Variants in CFAP20DC observed in about 807,000 individuals in gnomAD.
The protein encoded by CFAP20DC is protein CFAP20DC.
In CFAP20DC, 84 loss-of-function variants were observed where a neutral mutation model predicts 101.7. The observed-to-expected ratio is 0.83, with a 90% confidence interval of 0.69 to 0.99. The LOEUF is 0.99. CFAP20DC is among the 50% of genes least tolerant of loss of function. The pLI is 0.00. For synonymous variants in CFAP20DC, 359 were observed against 351.2 expected (o/e 1.02, Z -0.25); for missense variants, 1,007 against 970.3 (o/e 1.04, Z -0.50).
chr3:58,939,955 C>A (rs1216733609), intron 4 of CFAP20DC, among the ~76,000 whole-genome samples: 1 of 151,962 alleles, frequency 6.6e-6, no homozygotes, highest in East Asian at 1.9e-4. Context: ...TTAGTAGAGA[C>A]AGGGTTTCAT....
In CFAP20DC at chr3:58,914,987, C is replaced by T. The variant is rs969943004; in HGVS notation, c.394-1123G>A. 1 of 152,112 alleles carries T rather than the reference C, an allele frequency of 6.6e-6. No individual in the cohort carries two copies. The highest frequency in any genetic ancestry group is 2.4e-5 in the African/African-American group (1 of 41,398). 9.4% of individuals were successfully genotyped at this position (152,112 alleles called of 1,614,324 possible). On this transcript the variant is annotated intron_variant, in intron 5 of 16. Transcript: ENST00000482387. The surrounding 1 kb of genome is among the most constrained non-coding windows in gnomAD (Gnocchi z 4.9). The stretch of plus-strand genomic sequence containing the variant: ...GGCTTGACTGGCAGAATGGTGAACA[C>T]TGGAGCGGAATGAAGTAATGTAAGA...
intron 3 of CFAP20DC, among the ~76,000 whole-genome samples, chr3:59,040,024 G>A (rs1699210043): frequency 6.6e-6 from 1 of 151,838 alleles, no homozygotes; most frequent in Non-Finnish European, 1.5e-5. Context: ...TTTATTCACT[G>A]GCAGTTTTAA....
At chr3:58,806,832 G>A (rs998791068) in intron 14 of CFAP20DC, among the ~76,000 whole-genome samples, 1 of 152,210 alleles carries the variant, frequency 6.6e-6, no homozygotes, top group Non-Finnish European at 1.5e-5. Context: ...AGGGGTGACA[G>A]ATGGCACCTG....
chr3:58,870,637 C>A (rs1253153174), intron 7 of CFAP20DC, among the ~76,000 whole-genome samples: 2 of 150,190 alleles, frequency 1.3e-5, no homozygotes, highest in Admixed American at 6.6e-5. Flanking sequence ...GCCTGTAATC[C>A]CAGCACTTTG....
Position 58,866,649 on chromosome 3 carries a change from G to T in CFAP20DC, c.1175C>A (p.Ser392Ter). ...SGNNRIEDKA[S>*]TILTTVSQQG... ...TTGGGACACAGTGGTGAGGATAGTTGATGCTTTATCTTCAATCCTATTATT... is the reference window on the plus strand; with the variant it reads ...TTGGGACACAGTGGTGAGGATAGTTTATGCTTTATCTTCAATCCTATTATT... The change falls in exon 11 of 17, where the codon TCA (serine) becomes TAA (stop). Residue 392 changes from serine (S) to a stop codon, truncating the protein, a stop_gained. Coordinates refer to ENST00000482387, the MANE Select transcript of CFAP20DC (RefSeq NM_001394063.1). LOFTEE classifies it high-confidence loss of function. The T allele has an allele frequency of 6.3e-7, 1 of 1,598,018 alleles. No homozygotes were observed. Among genetic ancestry groups the T allele is most frequent in the Non-Finnish European group, 8.6e-7 (1 of 1,165,606 alleles).
intron 15 of CFAP20DC, among the ~76,000 whole-genome samples, chr3:58,777,070 T>C (rs1478135167): frequency 6.6e-6 from 1 of 152,136 alleles, no homozygotes; most frequent in East Asian, 1.9e-4. Context: ...AAAAAAAATA[T>C]AGCTACTTAT....
chr3:58,787,885 A>G (rs2072505042), intron 15 of CFAP20DC, among the ~76,000 whole-genome samples: 1 of 151,846 alleles, frequency 6.6e-6, no homozygotes, highest in African/African-American at 2.4e-5. Flanking sequence ...ATTAACACAC[A>G]AACAGGAAAC....
Position 58,817,573 on chromosome 3 carries a change from G to C in CFAP20DC, c.2176-11117C>G, listed in dbSNP as rs530108751. On this transcript the variant is annotated intron_variant, in intron 14 of 16. Transcript: ENST00000482387. ...AGATGAAATGAATGAAATGAAGCGA[G>C]AAGGGAAGTTTAGAGAAAAAAGAAT... 8.3e-5 allele frequency among the ~76,000 whole-genome samples: 12 copies of C among 144,396 alleles called. No homozygotes were observed. The South Asian group carries it at 2.9e-3, about 35-fold the overall frequency. 94.7% of individuals were successfully genotyped at this position (144,396 alleles called of 152,430 possible).
intron 4 of CFAP20DC, among the ~76,000 whole-genome samples, chr3:58,968,129 G>A (rs2091707594): frequency 6.6e-6 from 1 of 152,146 alleles, no homozygotes; most frequent in Non-Finnish European, 1.5e-5. Flanking sequence ...CATTTAGGTT[G>A]ATTTCATGTC....
rs2079093333 is a variant in CFAP20DC at position 58,859,718 on chromosome 3, A to G, written c.1593+3840T>C. ...ATGTTCTAATTCATAATACATAGGAATAAAAATGCAAGGCAGTATATTCAA... is the reference window on the plus strand; with the variant it reads ...ATGTTCTAATTCATAATACATAGGAGTAAAAATGCAAGGCAGTATATTCAA... On this transcript the variant is annotated intron_variant, in intron 12 of 16. Transcript: ENST00000482387. This position sits in a 1 kb window ranked among gnomAD's most constrained non-coding sequence, Gnocchi z 4.1. 1.3e-5 allele frequency among the ~76,000 whole-genome samples: 2 copies of G among 152,206 alleles called. No homozygotes were observed. The highest frequency in any genetic ancestry group is 4.1e-4 in the South Asian group (2 of 4,826).
At chr3:59,039,391 C>T (rs1044785937) in intron 4 of CFAP20DC, among the ~76,000 whole-genome samples, 166 bp downstream of exon 4, 10 of 151,942 alleles carry the variant, frequency 6.6e-5, no homozygotes, top group African/African-American at 2.4e-4. Context: ...ATAGTGATAT[C>T]CAAGAAATAT....
intron 15 of CFAP20DC, among the ~76,000 whole-genome samples, chr3:58,758,422 T>C (rs2069164316): frequency 6.6e-6 from 1 of 152,114 alleles, no homozygotes; most frequent in Non-Finnish European, 1.5e-5. Context: ...GTTGGCTTCT[T>C]ACCCAGACAC....
chr3:59,035,508 G>T (rs2094082496), intron 4 of CFAP20DC, among the ~76,000 whole-genome samples: 1 of 152,176 alleles, frequency 6.6e-6, no homozygotes, highest in Non-Finnish European at 1.5e-5. Flanking sequence ...GGATAAAGGG[G>T]ATTTCACCAC....
chr3:58,965,783 TA>T (rs1288868917), intron 4 of CFAP20DC, among the ~76,000 whole-genome samples: 1 of 152,218 alleles, frequency 6.6e-6, no homozygotes, highest in African/African-American at 2.4e-5. Flanking sequence ...AAAGTAGAAT[TA>T]GTTTACTTGA....
intron 15 of CFAP20DC, among the ~76,000 whole-genome samples, chr3:58,785,658 G>GCT (rs2072263560): frequency 6.6e-6 from 1 of 152,120 alleles, no homozygotes. Context: ...CATCATTGAA[G>GCT]ATGTAGGGGA....
chr3:58,776,245 C>T (rs984477992), intron 15 of CFAP20DC, among the ~76,000 whole-genome samples: 3 of 152,202 alleles, frequency 2.0e-5, no homozygotes, highest in African/African-American at 4.8e-5. Flanking sequence ...CACTCCCAAA[C>T]ATGCCTTTTT....
At chr3:58,880,732 T>G (rs1343613948) in intron 7 of CFAP20DC, among the ~76,000 whole-genome samples, 2 of 152,176 alleles carry the variant, frequency 1.3e-5, no homozygotes, top group Admixed American at 1.3e-4. Context: ...AAGATCCATA[T>G]TCAACAGATA....
At chr3:58,950,293 C>T (rs1386434209) in intron 4 of CFAP20DC, among the ~76,000 whole-genome samples, 2 of 152,160 alleles carry the variant, frequency 1.3e-5, no homozygotes, top group African/African-American at 4.8e-5. Flanking sequence ...ATTCCATGCT[C>T]ATGGGTAGGA....
chr3:59,042,469 T>C (rs1044496564), intron 3 of CFAP20DC, among the ~76,000 whole-genome samples: 8 of 151,974 alleles, frequency 5.3e-5, no homozygotes, highest in African/African-American at 1.9e-4. Flanking sequence ...GGGTACAGTC[T>C]GTGCATGGGT....
Sources: gnomAD v4.1 joint callset for allele counts (sites outside exome capture counted in the v4.1 genomes callset) on GRCh38, gnomAD v4.1.1 for gene constraint, Gnocchi (gnomAD v3.1) non-coding constraint, MANE v1.5 for transcripts, NCBI Gene and HGNC (gene_info 2026-07-23, HGNC 2026-07-21) for gene names.